LRBA: variants seen among roughly 807,000 people sequenced by gnomAD.
The protein encoded by LRBA is LPS responsive beige-like anchor protein, also known as lipopolysaccharide-responsive and beige-like anchor protein.
LRBA carries 176 observed loss-of-function variants against 330.0 expected under a neutral mutation model. The observed-to-expected ratio is 0.53, with a 90% CI of 0.47 to 0.60. The LOEUF (loss-of-function observed/expected upper bound fraction) is 0.60. Among genes scored for constraint, LRBA ranks in the 20% least tolerant of loss-of-function variants. LRBA has a pLI of 0.00. For synonymous variants in LRBA, 1,230 were observed against 1,193.0 expected (o/e 1.03, Z -0.64); for missense variants, 3,259 against 3,444.8 (o/e 0.95, Z 1.35).
In LRBA at chr4:150,828,601, T is replaced by G; in HGVS notation, c.4750A>C (p.Ser1584Arg). The change falls in exon 30 of 57, where the codon AGC (serine) becomes CGC (arginine). Residue 1584 changes from serine to arginine, a missense_variant. Ser to Arg is a moderately radical substitution (Grantham distance 110). Transcript: ENST00000651943. ...SLSEITPAAF[S>R]TLTTASVEES... ...TCCACTGATGCCGTAGTTAAAGTGC[T>G]GAATGCTGCTGGTGTGATTTCTATA... The G allele has an allele frequency of 6.2e-7, 1 of 1,613,792 alleles. No individual in the cohort carries two copies. Among genetic ancestry groups the G allele is most frequent in the Non-Finnish European group, 8.5e-7 (1 of 1,179,878 alleles).
intron 34 of LRBA, among the ~76,000 whole-genome samples, chr4:150,792,533 G>C (rs1157499575): frequency 6.6e-6 from 1 of 152,050 alleles, no homozygotes; most frequent in East Asian, 1.9e-4. Context: ...TTTTGAGACA[G>C]GGTCTTCCTC....
intron 47 of LRBA, 73 bp downstream of exon 47, chr4:150,415,365 A>G (rs1747583857): frequency 7.2e-7 from 1 of 1,393,760 alleles, no homozygotes; most frequent in Non-Finnish European, 1.0e-6. Context: ...AGGGTTAATG[A>G]TTATACACCA....
chr4:150,391,171 C>T (rs759807939), intron 47 of LRBA, among the ~76,000 whole-genome samples: 1 of 152,138 alleles, frequency 6.6e-6, no homozygotes, highest in Admixed American at 6.5e-5. Flanking sequence ...TTCCAAAGGG[C>T]TAAAATGTGG....
At chr4:150,670,185 T>C (rs1781930614) in intron 37 of LRBA, among the ~76,000 whole-genome samples, 1 of 152,230 alleles carries the variant, frequency 6.6e-6, no homozygotes, top group Admixed American at 6.5e-5. Flanking sequence ...AACTGTATTG[T>C]ATTGTACAGT....
At chr4:150,899,967 G>T in intron 14 of LRBA, 82 bp downstream of exon 14, 1 of 1,030,280 alleles carries the variant, frequency 9.7e-7, no homozygotes, top group Non-Finnish European at 1.4e-6. Context: ...CCAAATATAT[G>T]ATAGTACTGG....
chr4:150,521,585 C>T (rs1212737002), intron 40 of LRBA, among the ~76,000 whole-genome samples: 1 of 152,098 alleles, frequency 6.6e-6, no homozygotes, highest in African/African-American at 2.4e-5. Flanking sequence ...TAAATACTTC[C>T]TAATGTCCCT....
intron 48 of LRBA, among the ~76,000 whole-genome samples, chr4:150,329,297 A>T (rs532500785): frequency 6.6e-6 from 1 of 152,350 alleles, no homozygotes; most frequent in South Asian, 2.1e-4. Context: ...TGAAAATTAT[A>T]GAATAAGATT....
rs535936829 is a variant in LRBA, at chr4:150,314,655, C to T, written c.7693+906G>A. The T allele has an allele frequency of 9.9e-5, 15 of 152,060 alleles. 1 individual carries two copies. The highest frequency in any genetic ancestry group is 2.1e-4 in the South Asian group (1 of 4,818). 9.4% of individuals were successfully genotyped at this position (152,060 alleles called of 1,614,324 possible). Reference sequence around the variant, plus strand: ...AAAATTACAAGCCAAATATCTATGCCGATAGCATTACACCACAGGTAGGCA... The same window carrying T: ...AAAATTACAAGCCAAATATCTATGCTGATAGCATTACACCACAGGTAGGCA... On this transcript the variant is annotated intron_variant, in intron 51 of 56. Coordinates refer to ENST00000651943, the MANE Select transcript of LRBA (RefSeq NM_001364905.1).
At chr4:150,737,529 A>G (rs1463178109) in intron 35 of LRBA, among the ~76,000 whole-genome samples, 2 of 150,392 alleles carry the variant, frequency 1.3e-5, no homozygotes, top group African/African-American at 4.9e-5. Context: ...AAGAAAAAAG[A>G]AAAGAAAAGA....
intron 34 of LRBA, among the ~76,000 whole-genome samples, chr4:150,793,853 AG>A: frequency 1.3e-5 from 2 of 152,346 alleles, no homozygotes; most frequent in Middle Eastern, 6.8e-3. Flanking sequence ...ATAATGTGCT[AG>A]GTACCAGAAA....
intron 56 of LRBA, among the ~76,000 whole-genome samples, chr4:150,275,850 G>A (rs577023323): frequency 6.6e-6 from 1 of 152,300 alleles, no homozygotes; most frequent in South Asian, 2.1e-4. Context: ...TGGTCATACT[G>A]CCCAAAGTAA....
intron 40 of LRBA, among the ~76,000 whole-genome samples, chr4:150,496,048 C>T (rs1485790952): frequency 2.6e-5 from 4 of 152,074 alleles, no homozygotes; most frequent in Non-Finnish European, 5.9e-5. Context: ...GTATTGAATA[C>T]ATAGATTATA....
At chr4:150,365,665 A>T (rs1463451329) in intron 47 of LRBA, among the ~76,000 whole-genome samples, 5 of 151,782 alleles carry the variant, frequency 3.3e-5, no homozygotes, top group Non-Finnish European at 7.4e-5. Context: ...GTGGTGCATG[A>T]CTGTAATCCC....
At chr4:150,678,513 G>A (rs1264910650) in intron 37 of LRBA, among the ~76,000 whole-genome samples, 1 of 152,096 alleles carries the variant, frequency 6.6e-6, no homozygotes, top group Non-Finnish European at 1.5e-5. Flanking sequence ...AAAGTACATA[G>A]TGTTTAAAAC....
intron 37 of LRBA, among the ~76,000 whole-genome samples, chr4:150,619,546 T>C (rs547633714): frequency 2.0e-5 from 3 of 152,318 alleles, no homozygotes; most frequent in African/African-American, 7.2e-5. Context: ...CAAGTCTGTT[T>C]ATATTTCATA....
chr4:150,957,911 C>T lies in LRBA; in HGVS notation c.217-28846G>A, dbSNP rs555050391. Among the ~76,000 whole-genome samples the T allele has an allele frequency of 3.0e-4, 45 of 149,564 alleles. 2 individuals carry two copies. The highest frequency in any genetic ancestry group is 1.8e-3 in the Admixed American group (27 of 15,238). ...CACTGATGCAAGAGGTGGGTTCCCA[C>T]GGTCTTGGGCAGCTCCGCCCCTGTG... On this transcript the variant is annotated intron_variant, in intron 2 of 56. Transcript: ENST00000651943.
intron 30 of LRBA, among the ~76,000 whole-genome samples, chr4:150,820,351 T>C (rs1360885873): frequency 6.6e-6 from 1 of 152,002 alleles, no homozygotes; most frequent in Non-Finnish European, 1.5e-5. Flanking sequence ...TCACTAAAAA[T>C]ATACAGTTAA....
intron 36 of LRBA, among the ~76,000 whole-genome samples, chr4:150,705,207 C>A (rs1785502732): frequency 6.6e-6 from 1 of 152,066 alleles, no homozygotes; most frequent in Non-Finnish European, 1.5e-5. Flanking sequence ...GTATATTTCC[C>A]AATTTCATAC....
At chr4:150,346,076 G>A (rs561422649) in intron 48 of LRBA, among the ~76,000 whole-genome samples, 31 of 152,210 alleles carry the variant, frequency 2.0e-4, no homozygotes, top group African/African-American at 6.7e-4. Context: ...CCAAAATGCT[G>A]GGATTACACG....
Sources: gnomAD v4.1 joint callset for allele counts (sites outside exome capture counted in the v4.1 genomes callset) on GRCh38, gnomAD v4.1.1 for gene constraint, MANE v1.5 for transcripts, NCBI Gene and HGNC (gene_info 2026-07-23, HGNC 2026-07-21) for gene names.